Variants in CACNA2D1 observed in about 807,000 individuals in gnomAD.
The protein encoded by CACNA2D1 is voltage-dependent calcium channel subunit alpha-2/delta-1.
CACNA2D1 carries 53 observed loss-of-function variants against 171.5 expected under a neutral mutation model. The observed-to-expected ratio is 0.31, with a 90% CI of 0.25 to 0.39. The LOEUF (loss-of-function observed/expected upper bound fraction) is 0.39, where lower values mean the gene tolerates loss of function less well. Ranked by LOEUF, CACNA2D1 falls within the 10% of genes least tolerant of loss-of-function variation. CACNA2D1 has a pLI of 1.00. For missense variants in CACNA2D1, 903 were observed against 1,299.8 expected (o/e 0.69, Z 4.69); for synonymous variants, 442 against 443.1 (o/e 1.00, Z 0.03).
chr7:82,174,751 T>C (rs777840339), intron 3 of CACNA2D1, among the ~76,000 whole-genome samples: 1 of 152,066 alleles, frequency 6.6e-6, no homozygotes, highest in Non-Finnish European at 1.5e-5. Flanking sequence ...AAAATCATAT[T>C]TTAGTTGGGA....
chr7:82,378,309 G>C (rs965200837), intron 1 of CACNA2D1, among the ~76,000 whole-genome samples: 3 of 152,166 alleles, frequency 2.0e-5, no homozygotes, highest in African/African-American at 7.2e-5. Flanking sequence ...TGAGGCAGGA[G>C]GATCATTGGA....
intron 1 of CACNA2D1, among the ~76,000 whole-genome samples, chr7:82,391,526 A>G (rs540177255): frequency 2.0e-5 from 3 of 152,300 alleles, no homozygotes; most frequent in African/African-American, 7.2e-5. Context: ...GCACACTTAG[A>G]TAGGATATAG....
chr7:82,306,139 T>A (rs1327300871), intron 3 of CACNA2D1, among the ~76,000 whole-genome samples: 1 of 152,202 alleles, frequency 6.6e-6, no homozygotes, highest in Non-Finnish European at 1.5e-5. Context: ...TTTTTTGTGT[T>A]GTCATAAAGT....
At position 82,126,504 on chromosome 7, in the gene CACNA2D1, A is replaced by G. The variant is rs1790351170; in HGVS notation, c.397-9331T>C. On this transcript the variant is annotated intron_variant, in intron 5 of 38. Transcript: ENST00000356860. ...AATGATGTAGGCTCTTTGGAAATAAAACTCAACTTTTTTTTATTAATACTA... is the reference window on the plus strand; with the variant it reads ...AATGATGTAGGCTCTTTGGAAATAAGACTCAACTTTTTTTTATTAATACTA... Among the ~76,000 whole-genome samples the G allele has an allele frequency of 3.3e-5, 5 of 152,330 alleles. No individual in the cohort carries two copies. The South Asian group carries it at 1.0e-3, about 32-fold the overall frequency.
At chr7:82,016,457 T>TA (rs966314872) in intron 12 of CACNA2D1, among the ~76,000 whole-genome samples, 1 of 151,834 alleles carries the variant, frequency 6.6e-6, no homozygotes, top group African/African-American at 2.4e-5. Flanking sequence ...TACTTTTCAG[T>TA]AAAAAAATAA....
At chr7:82,078,870 AGG>A in intron 7 of CACNA2D1, among the ~76,000 whole-genome samples, 1 of 152,226 alleles carries the variant, frequency 6.6e-6, no homozygotes, top group South Asian at 2.1e-4. Flanking sequence ...CAAGAAGGAG[AGG>A]AGAAAGAGGA....
chr7:82,368,587 T>C (rs1322987732), intron 1 of CACNA2D1, among the ~76,000 whole-genome samples: 1 of 152,238 alleles, frequency 6.6e-6, no homozygotes, highest in African/African-American at 2.4e-5. Context: ...ATCTTTTATG[T>C]ATGTTTTAAT....
intron 4 of CACNA2D1, among the ~76,000 whole-genome samples, chr7:82,144,534 G>C (rs531414464): frequency 1.3e-5 from 2 of 151,826 alleles, no homozygotes; most frequent in South Asian, 2.1e-4. Context: ...ATGTGTTCTG[G>C]CATGAAATAT....
At chr7:82,413,125 T>C (rs1827842242) in intron 1 of CACNA2D1, among the ~76,000 whole-genome samples, 1 of 152,188 alleles carries the variant, frequency 6.6e-6, no homozygotes, top group Admixed American at 6.5e-5. Context: ...TAAGACTACC[T>C]CAGTATTTCT....
At chr7:82,061,886 G>A (rs762554545) in intron 9 of CACNA2D1, among the ~76,000 whole-genome samples, 44 of 152,226 alleles carry the variant, frequency 2.9e-4, no homozygotes, top group Middle Eastern at 3.4e-3. Flanking sequence ...ACAGGTCCCC[G>A]TGGGACCATC....
At chr7:82,087,285 C>G (rs564163772) in intron 6 of CACNA2D1, among the ~76,000 whole-genome samples, 1 of 152,020 alleles carries the variant, frequency 6.6e-6, no homozygotes, top group African/African-American at 2.4e-5. Context: ...GTCTAGAAAT[C>G]AAAATTCAAA....
intron 3 of CACNA2D1, among the ~76,000 whole-genome samples, chr7:82,317,009 G>A (rs1488393853): frequency 6.6e-6 from 1 of 152,104 alleles, no homozygotes; most frequent in African/African-American, 2.4e-5. Flanking sequence ...CTTAACACTA[G>A]AAAGTAAATC....
In CACNA2D1 at chr7:82,005,766, GT is replaced by G. The variant is rs746095507; in HGVS notation, c.1513del (p.Thr505HisfsTer34). The G allele has an allele frequency of 6.3e-7, 1 of 1,581,096 alleles. No individual in the cohort carries two copies. Among genetic ancestry groups the G allele is most frequent in the Non-Finnish European group, 8.7e-7 (1 of 1,150,178 alleles). ...TCAAAAGAGCAAATTTCATCTTACT[GT>G]AAAACGTGGTGTCAGTCTTTTAATA... ...EDIKRLTPRF[T>X]LCPNGYYFAI... is the part of the protein sequence containing the mutation. On this transcript the variant is annotated frameshift_variant and splice_region_variant, in exon 17 of 39. Coordinates refer to ENST00000356860, the MANE Select transcript of CACNA2D1 (RefSeq NM_000722.4). LOFTEE classifies it high-confidence loss of function.
At position 82,285,893 on chromosome 7, in the gene CACNA2D1, T is replaced by C. The variant is rs567262746; in HGVS notation, c.294+49242A>G. Among the ~76,000 whole-genome samples the C allele has an allele frequency of 4.6e-5, 7 of 152,322 alleles. No homozygotes were observed. In the East Asian group the frequency reaches 1.4e-3, roughly 29 times the overall value. On this transcript the variant is annotated intron_variant, in intron 3 of 38. Transcript: ENST00000356860. Reference sequence around the variant, plus strand: ...TAAAATACAGTTGGGGGTATGCACATGAATGAATCATTCTATTATTTGTAG... The same window carrying C: ...TAAAATACAGTTGGGGGTATGCACACGAATGAATCATTCTATTATTTGTAG...
chr7:82,429,994 G>C (rs1394222349), intron 1 of CACNA2D1, among the ~76,000 whole-genome samples: 1 of 152,172 alleles, frequency 6.6e-6, no homozygotes, highest in Non-Finnish European at 1.5e-5. Flanking sequence ...CATTTTTGCA[G>C]ATGTAAATTT....
intron 4 of CACNA2D1, among the ~76,000 whole-genome samples, chr7:82,155,641 G>A (rs1355096410): frequency 6.6e-6 from 1 of 152,130 alleles, no homozygotes; most frequent in Non-Finnish European, 1.5e-5. Context: ...TTAGCAAACA[G>A]AAAATTGGTT....
rs1186719410 is a variant in CACNA2D1 at position 82,277,745 on chromosome 7, C to CTTTTTTTTT, written c.294+57389_294+57390insAAAAAAAAA. On this transcript the variant is annotated intron_variant, in intron 3 of 38. Transcript: ENST00000356860. ...GCATATTTGATTTTTTAATTTTTTA[C>CTTTTTTTTT]TTTTATTTTTTTTTTTTTGAGATGG... 1.1e-4 allele frequency among the ~76,000 whole-genome samples: 15 copies of CTTTTTTTTT among 142,092 alleles called. 1 individual carries two copies. Among genetic ancestry groups the CTTTTTTTTT allele is most frequent in the South Asian group, 2.2e-4 (1 of 4,594 alleles). The allele number at this position is 142,092 out of a possible 152,430, so 93.2% of individuals were successfully genotyped here. A position where few individuals can be genotyped will look rare whatever the true frequency, so the allele number is the denominator to read the frequency against.
At chr7:82,394,760 A>G (rs1446484070) in intron 1 of CACNA2D1, among the ~76,000 whole-genome samples, 1 of 152,182 alleles carries the variant, frequency 6.6e-6, no homozygotes, top group Non-Finnish European at 1.5e-5. Context: ...TCTGTGAGAC[A>G]AAGAGAAGTG....
rs1034367774 is a variant in CACNA2D1, at chr7:82,405,476, G to A, written c.95+37889C>T. 1.4e-4 allele frequency among the ~76,000 whole-genome samples: 21 copies of A among 152,154 alleles called. No homozygotes were observed. In the East Asian group the frequency reaches 4.1e-3, roughly 29 times the overall value. On this transcript the variant is annotated intron_variant, in intron 1 of 38. Coordinates refer to ENST00000356860, the MANE Select transcript of CACNA2D1 (RefSeq NM_000722.4). ...AAGTAAAGACATTGCAACATCCCTG[G>A]GAAAAATTAACACTGATCTTACAGG...
Sources: gnomAD v4.1 joint callset for allele counts (sites outside exome capture counted in the v4.1 genomes callset) on GRCh38, gnomAD v4.1.1 for gene constraint, MANE v1.5 for transcripts, NCBI Gene and HGNC (gene_info 2026-07-23, HGNC 2026-07-21) for gene names.